Variants in DNAH6 observed in about 807,000 individuals in gnomAD.
DNAH6 encodes the protein axonemal beta dynein heavy chain 6.
A neutral mutation model predicts 491.4 loss-of-function variants in DNAH6; 340 were observed. The observed-to-expected ratio is 0.69, with a 90% CI of 0.63 to 0.76. DNAH6 has a LOEUF of 0.76. DNAH6 is among the 30% of genes least tolerant of loss of function. The pLI, the probability that DNAH6 is intolerant of heterozygous loss-of-function variation, is 0.00. For missense variants in DNAH6, 4,443 were observed against 4,972.2 expected, an observed-to-expected ratio of 0.89 and a Z score of 3.20; for synonymous variants, 1,603 against 1,686.1, an observed-to-expected ratio of 0.95 and a Z score of 1.21.
chr2:84,546,129 C>G (rs893568774), intron 5 of DNAH6, among the ~76,000 whole-genome samples: 1 of 152,130 alleles, frequency 6.6e-6, no homozygotes, highest in African/African-American at 2.4e-5. Flanking sequence ...TACTTTCTAT[C>G]TCCATAGAGT....
chr2:84,616,850 A>G, intron 22 of DNAH6, 36 bp from the exon 23 acceptor site: 2 of 1,180,556 alleles, frequency 1.7e-6, no homozygotes, highest in Non-Finnish European at 2.3e-6. Context: ...TGATTTTAAC[A>G]CAGTTTTACC....
At position 84,681,547 on chromosome 2, in the gene DNAH6, G is replaced by A. The variant is rs141000575; in HGVS notation, c.6916+19G>A. On this transcript the variant is annotated intron_variant, in intron 42 of 76. Transcript: ENST00000389394. Reference sequence around the variant, plus strand: ...GTGCAAGGTAGTGTACTGAACCCTCGTTTTCTGATCTGCACCCTCCCTACT... The same window carrying A: ...GTGCAAGGTAGTGTACTGAACCCTCATTTTCTGATCTGCACCCTCCCTACT... 398 of 1,491,324 alleles carry A rather than the reference G, an allele frequency of 2.7e-4. 4 individuals are homozygous for A. In the African/African-American group the frequency reaches 4.2e-3, roughly 16 times the overall value. The allele number at this position is 1,491,324 out of a possible 1,614,324, so 92.4% of individuals were successfully genotyped here. A position where few individuals can be genotyped will look rare whatever the true frequency, so the allele number is the denominator to read the frequency against.
Position 84,584,249 on chromosome 2 carries a change from A to G in DNAH6, c.2480A>G (p.Gln827Arg). The change falls in exon 15 of 77, where the codon CAG becomes CGG. Residue 827 changes from glutamine (Q) to arginine (R), a missense_variant and splice_region_variant. Coordinates refer to ENST00000389394, the MANE Select transcript of DNAH6 (RefSeq NM_001370.2). ...GTGAATGAAGTAAAACTGCAAGCAC[A>G]GGTAAGCTAAATCATTATTTTGTAA... ...NEVNEVKLQA[Q>R]DPQILDISAD... 6.2e-7 allele frequency: 1 copy of G among 1,612,586 alleles called. No homozygotes were observed. Among genetic ancestry groups the G allele is most frequent in the Non-Finnish European group, 8.5e-7 (1 of 1,178,800 alleles).
At chr2:84,614,010 T>TTTTATTTA (rs57645053) in intron 22 of DNAH6, among the ~76,000 whole-genome samples, 9,857 of 151,318 alleles carry the variant, frequency 0.065, 1,048 homozygotes, top group African/African-American at 0.23. Context: ...TGCCATTCCA[T>TTTTATTTA]TTTATTTATT....
chr2:84,622,131 C>T (rs1179875965), intron 26 of DNAH6, among the ~76,000 whole-genome samples: 1 of 152,170 alleles, frequency 6.6e-6, no homozygotes, highest in Non-Finnish European at 1.5e-5. Flanking sequence ...TCCCTGTAAT[C>T]ACCACTCTTT....
At chr2:84,550,147 C>T in intron 9 of DNAH6, 90 bp downstream of exon 9, 1 of 1,068,130 alleles carries the variant, frequency 9.4e-7, no homozygotes, top group Non-Finnish European at 1.3e-6. Flanking sequence ...ATTTTCTGTG[C>T]ACTAAAAAAA....
chr2:84,474,415 A>T, the DNAH6 span, among the ~76,000 whole-genome samples: 1 of 152,072 alleles, frequency 6.6e-6, no homozygotes, highest in East Asian at 1.9e-4. Flanking sequence ...GAGGAATGGG[A>T]GCCAGAGGCT....
In DNAH6 at chr2:84,722,683, T is replaced by G. The variant is rs1698270838; in HGVS notation, c.9851T>G (p.Ile3284Ser). 1 of 1,550,218 alleles carries G rather than the reference T, an allele frequency of 6.5e-7. No individual in the cohort carries two copies. The highest frequency in any genetic ancestry group is 2.0e-5 in the Admixed American group (1 of 50,506). The change falls in exon 60 of 77, where the codon ATC becomes AGC. Residue 3284 changes from isoleucine (I) to serine (S), a missense_variant. Ile to Ser is a moderately radical substitution (Grantham distance 142). Coordinates refer to ENST00000389394, the MANE Select transcript of DNAH6 (RefSeq NM_001370.2). ...LEEAESTEQM[I>S]NVAREKYRPV... ...GAAGCAGAGTCCACTGAGCAGATGA[T>G]CAATGTGGCTCGTGAGAAGTATCGT...
chr2:84,530,024 T>A (rs781004338), intron 4 of DNAH6, among the ~76,000 whole-genome samples: 1 of 152,270 alleles, frequency 6.6e-6, no homozygotes, highest in Middle Eastern at 3.4e-3. Flanking sequence ...CAATAACTTG[T>A]AGGAAGGACA....
At chr2:84,670,599 A>AT (rs1692636949) in intron 39 of DNAH6, 124 bp downstream of exon 39, 1 of 735,674 alleles carries the variant, frequency 1.4e-6, no homozygotes, top group African/African-American at 1.8e-5. Flanking sequence ...TGTAAAGGTG[A>AT]TTCTGTTCAT....
intron 14 of DNAH6, 118 bp from the exon 15 acceptor site, chr2:84,583,881 C>T (rs1306907407): frequency 1.9e-6 from 2 of 1,040,810 alleles, no homozygotes; most frequent in Admixed American, 2.3e-5. Flanking sequence ...TTATTAGCAG[C>T]AGCAGAACAG....
intron 62 of DNAH6, among the ~76,000 whole-genome samples, 197 bp from the exon 63 acceptor site, chr2:84,744,883 G>T (rs1672817949): frequency 6.6e-6 from 1 of 151,866 alleles, no homozygotes; most frequent in Non-Finnish European, 1.5e-5. Flanking sequence ...TAAGTGGTTT[G>T]CTGCTATTTT....
chr2:84,685,686 C>T (rs967299267), intron 43 of DNAH6, among the ~76,000 whole-genome samples: 1 of 151,994 alleles, frequency 6.6e-6, no homozygotes. Context: ...CATGGTGGCT[C>T]ATGCCTGTAA....
At chr2:84,793,924 C>T (rs1182624109) in intron 68 of DNAH6, among the ~76,000 whole-genome samples, 1 of 152,208 alleles carries the variant, frequency 6.6e-6, no homozygotes, top group Non-Finnish European at 1.5e-5. Flanking sequence ...ACCATCTCAG[C>T]TATACTACAA....
chr2:84,551,574 A>AG, intron 9 of DNAH6, among the ~76,000 whole-genome samples: 1 of 152,364 alleles, frequency 6.6e-6, no homozygotes, highest in Middle Eastern at 3.4e-3. Flanking sequence ...ACTATTTCAA[A>AG]TAATACTGCA....
intron 17 of DNAH6, among the ~76,000 whole-genome samples, chr2:84,595,168 T>C (rs1316560170): frequency 6.6e-6 from 1 of 152,138 alleles, no homozygotes; most frequent in Non-Finnish European, 1.5e-5. Context: ...TCAATATATA[T>C]GTGTGGCTAT....
At chr2:84,530,979 T>C (rs1311675605) in intron 4 of DNAH6, among the ~76,000 whole-genome samples, 2 of 152,122 alleles carry the variant, frequency 1.3e-5, no homozygotes, top group Admixed American at 1.3e-4. Flanking sequence ...TGATGACATG[T>C]GCCCAAGGTA....
chr2:84,728,570 C>T (rs1049868640), intron 61 of DNAH6, among the ~76,000 whole-genome samples: 13 of 152,178 alleles, frequency 8.5e-5, no homozygotes, highest in Non-Finnish European at 1.6e-4. Context: ...AGCTGAACCT[C>T]TTACAAATGT....
At chr2:84,619,060 T>C (rs1687143654) in intron 23 of DNAH6, among the ~76,000 whole-genome samples, 1 of 152,198 alleles carries the variant, frequency 6.6e-6, no homozygotes, top group Non-Finnish European at 1.5e-5. Flanking sequence ...TTTACCTATC[T>C]TGCTGGTAAT....
Sources: allele counts gnomAD v4.1 joint callset (sites outside exome capture counted in the v4.1 genomes callset), GRCh38; gene constraint gnomAD v4.1.1; transcripts MANE v1.5; gene names NCBI Gene and HGNC (gene_info 2026-07-23, HGNC 2026-07-21).